The following PENK variants were observed in gnomAD, a reference collection of about 807,000 sequenced individuals.
PENK encodes proenkephalin-A.
In PENK, 25 loss-of-function variants were observed where a neutral mutation model predicts 24.1. That is an observed-to-expected ratio of 1.04 (90% CI 0.76 to 1.45). The LOEUF is 1.45. Among genes scored for constraint, PENK ranks in the 40% most tolerant of loss-of-function variants. The pLI is 0.00. For missense variants in PENK, 353 were observed against 337.9 expected (o/e 1.04, Z -0.35); for synonymous variants, 135 against 130.3 (o/e 1.04, Z -0.24).
At chr8:56,443,708 C>T (rs1001361768) in intron 3 of PENK, 11 of 384,070 alleles carry the variant, frequency 2.9e-5, no homozygotes, top group East Asian at 8.5e-5. Context: ...CTTTTGCATC[C>T]GAGCCAAAAT....
At chr8:56,445,682 G>C (rs750682014) in intron 3 of PENK, 134 bp downstream of exon 3, 5 of 1,143,334 alleles carry the variant, frequency 4.4e-6, no homozygotes, top group South Asian at 2.5e-5. Context: ...AGGTCACCAC[G>C]GGCTCGCGCC....
chr8:56,442,436 A>T (rs948362621), intron 3 of PENK, among the ~76,000 whole-genome samples: 1 of 152,152 alleles, frequency 6.6e-6, no homozygotes, highest in Non-Finnish European at 1.5e-5. Flanking sequence ...TTGTGTTAAT[A>T]TTTTACCTAA....
chr8:56,445,475 A>T, intron 3 of PENK: 1 of 503,118 alleles, frequency 2.0e-6, no homozygotes, highest in Non-Finnish European at 3.5e-6. Flanking sequence ...TCCTTCTGAC[A>T]GCCCAGGAGA....
rs201807450 is a variant in PENK at position 56,441,420 on chromosome 8, C to T, written c.656G>A (p.Arg219His). 1.1e-4 allele frequency: 172 copies of T among 1,613,946 alleles called. 1 individual carries two copies. The highest frequency in any genetic ancestry group is 4.5e-4 in the Admixed American group (27 of 60,032). The stretch of plus-strand genomic sequence containing the variant: ...CTGGTAGTCCATCCACCACTCTGGG[C>T]GACCTACTCTTCTCATGAAGCCCCC... ...RYGGFMRRVGRPEWWMDYQKR... is the reference protein window; with the variant it reads ...RYGGFMRRVGHPEWWMDYQKR... Residue 219 changes from arginine to histidine, a missense_variant, in exon 4 of 4, where the codon CGC (arginine) becomes CAC (histidine). Physicochemically the swap from Arg to His is conservative, Grantham distance 29 (BLOSUM62 0). Transcript: ENST00000451791.
rs778531784 is a variant in PENK at position 56,441,288 on chromosome 8, C to A, written c.788G>T (p.Gly263Val). 3 of 1,601,830 alleles carry A rather than the reference C, an allele frequency of 1.9e-6. No homozygotes were observed. The highest frequency in any genetic ancestry group is 2.6e-6 in the Non-Finnish European group (3 of 1,173,602). ...EVPEMEKRYG[G>V]FMRF ...GAAAAGATATTAAAATCTCATAAAT[C>A]CTCCGTATCTTTTTTCCATTTCAGG... The change falls in exon 4 of 4, where the codon GGA becomes GTA. Residue 263 changes from glycine (G) to valine (V), a missense_variant. Transcript: ENST00000451791.
At chr8:56,443,897 C>A (rs116065597) in intron 3 of PENK, 8 of 690,398 alleles carry the variant, frequency 1.2e-5, no homozygotes, top group East Asian at 5.4e-5. Flanking sequence ...TAACACTACA[C>A]GTGCCATTCC....
At chr8:56,443,263 G>A (rs1188574417) in intron 3 of PENK, among the ~76,000 whole-genome samples, 1 of 152,106 alleles carries the variant, frequency 6.6e-6, no homozygotes, top group East Asian at 1.9e-4. Flanking sequence ...ACCATTAGAA[G>A]CTTAAGATAT....
chr8:56,442,841 T>C (rs1391583544), intron 3 of PENK, among the ~76,000 whole-genome samples: 1 of 151,556 alleles, frequency 6.6e-6, no homozygotes, highest in Non-Finnish European at 1.5e-5. Context: ...AAATATTAAA[T>C]ATAAAATCAT....
At position 56,441,916 on chromosome 8, in the gene PENK, C is replaced by T. The variant is rs757494490; in HGVS notation, c.160G>A (p.Gly54Ser). The change falls in exon 4 of 4, where the codon GGT becomes AGT. Residue 54 changes from glycine (G) to serine (S), a missense_variant. Gly to Ser is a moderately conservative substitution (Grantham distance 56). Coordinates refer to ENST00000451791, the MANE Select transcript of PENK (RefSeq NM_001135690.3). Reference protein sequence around the residue: ...NFLACVMECEGKLPSLKIWET... With the variant: ...NFLACVMECESKLPSLKIWET... ...CAAATTTTCAGAGAAGGCAGTTTAC[C>T]TTCACATTCCATTACGCAAGCCTGG... 4.3e-6 allele frequency: 7 copies of T among 1,612,498 alleles called. No homozygotes were observed. The highest frequency in any genetic ancestry group is 5.1e-6 in the Non-Finnish European group (6 of 1,179,202).
intron 3 of PENK, among the ~76,000 whole-genome samples, chr8:56,444,386 A>C (rs766885529): frequency 6.6e-6 from 1 of 152,236 alleles, no homozygotes; most frequent in Non-Finnish European, 1.5e-5. Flanking sequence ...GAGCAGGCAA[A>C]GCTCAAAATA....
At chr8:56,443,967 C>G (rs1804605010) in intron 3 of PENK, 9 of 701,864 alleles carry the variant, frequency 1.3e-5, no homozygotes, top group Non-Finnish European at 2.3e-5. Flanking sequence ...GCATAAAAAG[C>G]AGTATGGAAA....
chr8:56,446,042 G>A, intron 2 of PENK, 86 bp from the exon 3 acceptor site: 2 of 1,410,668 alleles, frequency 1.4e-6, no homozygotes, highest in Non-Finnish European at 1.9e-6. Context: ...GACAGCCTCA[G>A]CAGGGGATCG....
chr8:56,445,757 T>C (rs1051342590), intron 3 of PENK, 59 bp downstream of exon 3: 51 of 1,605,906 alleles, frequency 3.2e-5, no homozygotes, highest in Non-Finnish European at 4.0e-5. Context: ...GCAGTCCGCG[T>C]ACTGTTGCGG....
chr8:56,446,194 C>T (rs1003914033), intron 2 of PENK: 26 of 529,272 alleles, frequency 4.9e-5, no homozygotes, highest in African/African-American at 2.7e-4. Context: ...CTGCCTGGGG[C>T]ACCCGGCTCT....
chr8:56,446,207 TC>T (rs1312832241), intron 2 of PENK: 3 of 513,258 alleles, frequency 5.8e-6, no homozygotes, highest in Non-Finnish European at 6.9e-6. Flanking sequence ...CCGGCTCTTT[TC>T]CTGGGCGTCC....
intron 3 of PENK, among the ~76,000 whole-genome samples, chr8:56,442,544 C>A (rs116706261): frequency 0.018 from 2,760 of 152,096 alleles, 69 homozygotes; most frequent in African/African-American, 0.06. Flanking sequence ...CAATTTAAAT[C>A]TGATGAATTA....
At chr8:56,445,774 T>C (rs768574909) in intron 3 of PENK, 42 bp downstream of exon 3, 1 of 1,612,772 alleles carries the variant, frequency 6.2e-7, no homozygotes, top group Admixed American at 1.7e-5. Flanking sequence ...GCGGAAACTC[T>C]GTCTCACAAG....
chr8:56,444,236 C>T (rs918436260), intron 3 of PENK, among the ~76,000 whole-genome samples: 7 of 152,180 alleles, frequency 4.6e-5, no homozygotes, highest in East Asian at 1.9e-4. Flanking sequence ...CATATTAATT[C>T]GCTAACTCAC....
intron 3 of PENK, among the ~76,000 whole-genome samples, chr8:56,443,362 CAA>C (rs1192376949): frequency 2.0e-5 from 3 of 152,166 alleles, no homozygotes; most frequent in Non-Finnish European, 4.4e-5. Context: ...ATACTAATAC[CAA>C]AAGATTTTTA....
Sources: allele counts gnomAD v4.1 joint callset (sites outside exome capture counted in the v4.1 genomes callset), GRCh38; gene constraint gnomAD v4.1.1; transcripts MANE v1.5; gene names NCBI Gene and HGNC (gene_info 2026-07-23, HGNC 2026-07-21).